The following CSMD2 variants were observed in gnomAD, a reference collection of about 807,000 sequenced individuals.
The protein encoded by CSMD2 is CUB and Sushi multiple domains 2, also known as CUB and sushi domain-containing protein 2.
A neutral mutation model predicts 398.5 loss-of-function variants in CSMD2; 130 were observed. The observed-to-expected ratio is 0.33, with a 90% CI of 0.28 to 0.38. The LOEUF (loss-of-function observed/expected upper bound fraction) is 0.38. Ranked by LOEUF, CSMD2 falls within the 10% of genes least tolerant of loss-of-function variation. CSMD2 has a pLI of 1.00. For synonymous variants in CSMD2, 1,828 were observed against 1,908.5 expected, an observed-to-expected ratio of 0.96 and a Z score of 1.10; for missense variants, 3,829 against 4,764.9, an observed-to-expected ratio of 0.80 and a Z score of 5.78.
chr1:34,106,968 A>G lies in CSMD2; in HGVS notation c.188-17775T>C, dbSNP rs116757029. Among the ~76,000 whole-genome samples the G allele has an allele frequency of 9.6e-3, 1,461 of 152,278 alleles. 21 individuals carry two copies. The highest frequency in any genetic ancestry group is 0.034 in the African/African-American group (1,404 of 41,544). On this transcript the variant is annotated intron_variant, in intron 1 of 70. Transcript: ENST00000373381. Reference sequence around the variant, plus strand: ...TCATTTTCCATCATCCTAAGCCAACACTAGTCAAGGGTTGTTTATTATTTT... The same window carrying G: ...TCATTTTCCATCATCCTAAGCCAACGCTAGTCAAGGGTTGTTTATTATTTT...
At chr1:33,759,252 G>A (rs1215517183) in intron 13 of CSMD2, among the ~76,000 whole-genome samples, 4 of 152,000 alleles carry the variant, frequency 2.6e-5, no homozygotes, top group African/African-American at 4.8e-5. Flanking sequence ...ATGGAAGAGC[G>A]GCATGGGATG....
intron 40 of CSMD2, 85 bp from the exon 41 acceptor site, chr1:33,611,335 G>C: frequency 8.6e-7 from 1 of 1,165,028 alleles, no homozygotes; most frequent in Non-Finnish European, 1.3e-6. Context: ...GCTCCTGCCA[G>C]AGCCATGAGT....
intron 9 of CSMD2, among the ~76,000 whole-genome samples, chr1:33,815,630 T>C (rs1267374365): frequency 6.6e-6 from 1 of 152,252 alleles, no homozygotes. Flanking sequence ...TCAACAGATG[T>C]AGCTTTGTGC....
intron 25 of CSMD2, among the ~76,000 whole-genome samples, chr1:33,671,137 T>G (rs2149029221): frequency 6.6e-6 from 1 of 152,282 alleles, no homozygotes; most frequent in Admixed American, 6.5e-5. Flanking sequence ...AAGCCGTGGC[T>G]CAGGGAATGG....
chr1:33,538,656 A>T (rs1433839820), intron 60 of CSMD2, among the ~76,000 whole-genome samples: 3 of 152,242 alleles, frequency 2.0e-5, no homozygotes, highest in Admixed American at 6.5e-5. Flanking sequence ...GAAGGAGGCA[A>T]CTGAAAGAAC....
At chr1:33,532,628 G>A (rs1212697829) in intron 64 of CSMD2, among the ~76,000 whole-genome samples, 2 of 152,182 alleles carry the variant, frequency 1.3e-5, no homozygotes, top group Non-Finnish European at 2.9e-5. Context: ...CGCAAGCATG[G>A]GGCCACATGA....
Position 33,559,519 on chromosome 1 carries a change from C to A in CSMD2, c.8381-46G>T. 6.6e-7 allele frequency: 1 copy of A among 1,511,128 alleles called. No individual in the cohort carries two copies. Among genetic ancestry groups the A allele is most frequent in the Non-Finnish European group, 8.9e-7 (1 of 1,125,746 alleles). The allele number at this position is 1,511,128 out of a possible 1,614,324, so 93.6% of individuals were successfully genotyped here. A position where few individuals can be genotyped will look rare whatever the true frequency, so the allele number is the denominator to read the frequency against. The stretch of plus-strand genomic sequence containing the variant: ...AGGTAAGCCCTCCTACTATTCCACA[C>A]CCCTCAGAATTTATCCACCTCTCAC... On this transcript the variant is annotated intron_variant, in intron 53 of 70. Transcript: ENST00000373381. The surrounding 1 kb of genome is among the most constrained non-coding windows in gnomAD (Gnocchi z 4.0).
At chr1:33,603,606 T>G (rs1218633911) in intron 42 of CSMD2, among the ~76,000 whole-genome samples, 1 of 152,212 alleles carries the variant, frequency 6.6e-6, no homozygotes, top group Admixed American at 6.5e-5. Flanking sequence ...AGCCATGGCC[T>G]GGGAGACAGT....
At chr1:33,666,686 G>C (rs1344111022) in intron 25 of CSMD2, among the ~76,000 whole-genome samples, 1 of 152,008 alleles carries the variant, frequency 6.6e-6, no homozygotes, top group Non-Finnish European at 1.5e-5. Context: ...CCTGTGTAAG[G>C]CTGGGGCCCC....
chr1:34,098,919 G>GAAAC (rs10652633), intron 1 of CSMD2, among the ~76,000 whole-genome samples: 58,668 of 151,656 alleles, frequency 0.39, 12,066 homozygotes, highest in African/African-American at 0.54. Context: ...GTCAACAACA[G>GAAAC]AATATCAGAA....
chr1:33,907,987 C>T (rs375651508), intron 5 of CSMD2, among the ~76,000 whole-genome samples: 24 of 145,568 alleles, frequency 1.6e-4, no homozygotes, highest in Admixed American at 2.1e-4. Flanking sequence ...TTCGGGAGGC[C>T]GAGACAAGAG....
chr1:34,035,536 A>C (rs960498515), intron 2 of CSMD2, among the ~76,000 whole-genome samples: 3 of 152,208 alleles, frequency 2.0e-5, no homozygotes, highest in African/African-American at 7.2e-5. Flanking sequence ...CTAAAGATGC[A>C]AGGCTGGTTC....
intron 3 of CSMD2, among the ~76,000 whole-genome samples, chr1:33,959,151 C>T (rs947273998): frequency 3.3e-5 from 5 of 152,158 alleles, no homozygotes; most frequent in Non-Finnish European, 5.9e-5. Flanking sequence ...AGAGGAAAGG[C>T]GCCTGCTCTG....
chr1:33,602,684 C>T (rs997448533), intron 42 of CSMD2, 138 bp from the exon 43 acceptor site: 1 of 700,188 alleles, frequency 1.4e-6, no homozygotes, highest in Non-Finnish European at 2.3e-6. Context: ...AAGGGGAGGC[C>T]AAGCTGAGGA....
At chr1:33,560,453 T>A (rs1259596834) in intron 53 of CSMD2, among the ~76,000 whole-genome samples, 1 of 152,234 alleles carries the variant, frequency 6.6e-6, no homozygotes, top group Non-Finnish European at 1.5e-5. Flanking sequence ...TAGCTCACTC[T>A]ATTTGGCTGC....
At chr1:34,110,579 T>A (rs1660980472) in intron 1 of CSMD2, among the ~76,000 whole-genome samples, 1 of 151,992 alleles carries the variant, frequency 6.6e-6, no homozygotes, top group South Asian at 2.1e-4. Flanking sequence ...AAGATCTCCA[T>A]CTTAAGCTAG....
At chr1:33,557,670 G>T in intron 55 of CSMD2, 64 bp downstream of exon 55, 3 of 1,335,854 alleles carry the variant, frequency 2.2e-6, no homozygotes, top group Non-Finnish European at 3.1e-6. Flanking sequence ...ATGCACAGAG[G>T]GGAGGACTGT....
At chr1:33,625,338 G>C in intron 33 of CSMD2, 84 bp from the exon 34 acceptor site, 1 of 1,312,600 alleles carries the variant, frequency 7.6e-7, no homozygotes, top group Non-Finnish European at 1.1e-6. Context: ...CTGGAACAAA[G>C]ACCGTCTGGA....
rs1644442756 is a variant in CSMD2 at position 33,935,333 on chromosome 1, T to C, written c.712+427A>G. On this transcript the variant is annotated intron_variant, in intron 4 of 70. Coordinates refer to ENST00000373381, the MANE Select transcript of CSMD2 (RefSeq NM_001281956.2). ...TTTGGAGGCTGAAAGGAAGAAACTA[T>C]TAGATAGGGAGAGAGGCTGAATTTA... Among the ~76,000 whole-genome samples the C allele has an allele frequency of 2.0e-5, 3 of 152,030 alleles. No homozygotes were observed. In the South Asian group the frequency reaches 6.2e-4, roughly 32 times the overall value.
Sources: allele counts gnomAD v4.1 joint callset (sites outside exome capture counted in the v4.1 genomes callset), GRCh38; gene constraint gnomAD v4.1.1; non-coding constraint Gnocchi (gnomAD v3.1); transcripts MANE v1.5; gene names NCBI Gene and HGNC (gene_info 2026-07-23, HGNC 2026-07-21).